Variants in ODR4 observed in about 807,000 individuals in gnomAD.
ODR4 encodes odr-4 GPCR localization factor homolog.
ODR4 carries 47 observed loss-of-function variants against 60.2 expected under a neutral mutation model. The observed-to-expected ratio is 0.78, with a 90% CI of 0.62 to 1.00. ODR4 has a LOEUF of 1.00. Among genes scored for constraint, ODR4 ranks in the 50% least tolerant of loss-of-function variants. The probability of loss-of-function intolerance (pLI) is 0.00; values close to 1 mark genes in which losing one functional copy is unlikely to be tolerated. For missense variants in ODR4, 488 were observed against 530.8 expected (o/e 0.92, Z 0.79); for synonymous variants, 178 against 175.5 (o/e 1.01, Z -0.11).
chr1:186,410,259 GGGT>G (rs1661324483), intron 12 of ODR4, among the ~76,000 whole-genome samples: 2 of 152,182 alleles, frequency 1.3e-5, no homozygotes, highest in East Asian at 3.9e-4. Context: ...AACATGTTGA[GGGT>G]TTAAAAAGTC....
rs1660430704 is a variant in ODR4, at chr1:186,390,632, A to G, written c.475-79A>G. 9 of 1,410,162 alleles carry G rather than the reference A, an allele frequency of 6.4e-6. No homozygotes were observed. The East Asian group carries it at 2.1e-4, about 32-fold the overall frequency. The allele number at this position is 1,410,162 out of a possible 1,614,324, so 87.4% of individuals were successfully genotyped here. A position where few individuals can be genotyped will look rare whatever the true frequency, so the allele number is the denominator to read the frequency against. Reference sequence around the variant, plus strand: ...AGTTTGTATGCGTTATTTAGGTTGTATATTTAATAATGTTTTGTTGATCCA... The same window carrying G: ...AGTTTGTATGCGTTATTTAGGTTGTGTATTTAATAATGTTTTGTTGATCCA... On this transcript the variant is annotated intron_variant, in intron 6 of 13. Transcript: ENST00000287859.
chr1:186,401,029 T>G (rs1351167899), intron 11 of ODR4: 1 of 1,585,772 alleles, frequency 6.3e-7, no homozygotes, highest in African/African-American at 1.3e-5. Flanking sequence ...CATTGCAGGT[T>G]TCAGGATTTG....
chr1:186,413,057 G>A (rs1268707918), intron 12 of ODR4, among the ~76,000 whole-genome samples: 3 of 151,982 alleles, frequency 2.0e-5, no homozygotes, highest in African/African-American at 7.2e-5. Flanking sequence ...ACGCATTTAG[G>A]AACATTAAAT....
downstream of ODR4, among the ~76,000 whole-genome samples, chr1:186,422,757 G>A (rs1661815521): frequency 6.6e-6 from 1 of 152,150 alleles, no homozygotes; most frequent in Non-Finnish European, 1.5e-5. Flanking sequence ...GGCTTTAAAT[G>A]CTTAAGGGAA....
At chr1:186,403,785 C>A (rs1327095762) in intron 11 of ODR4, among the ~76,000 whole-genome samples, 1 of 152,096 alleles carries the variant, frequency 6.6e-6, no homozygotes, top group Non-Finnish European at 1.5e-5. Context: ...TGATCCTGCT[C>A]AACTTATTCT....
intron 6 of ODR4, among the ~76,000 whole-genome samples, chr1:186,389,867 A>G (rs1374266799): frequency 6.6e-6 from 1 of 152,220 alleles, no homozygotes; most frequent in East Asian, 1.9e-4. Context: ...AGCTCACTGC[A>G]GCCTCCACCT....
At chr1:186,409,718 G>A (rs1022119704) in intron 12 of ODR4, among the ~76,000 whole-genome samples, 7 of 152,010 alleles carry the variant, frequency 4.6e-5, no homozygotes, top group Non-Finnish European at 1.0e-4. Flanking sequence ...GCTAATTTTT[G>A]TATTGTTAAT....
chr1:186,413,295 T>C (rs985549160), intron 12 of ODR4, among the ~76,000 whole-genome samples: 1 of 151,854 alleles, frequency 6.6e-6, no homozygotes, highest in African/African-American at 2.4e-5. Flanking sequence ...AAAAAAAAAA[T>C]CATTTCAGGT....
Position 186,419,992 on chromosome 1 carries a change from A to G in ODR4, c.*916A>G, listed in dbSNP as rs1661721379. 6.6e-6 allele frequency: 1 copy of G among 152,152 alleles called. No homozygotes were observed. Among genetic ancestry groups the G allele is most frequent in the African/African-American group, 2.4e-5 (1 of 41,454 alleles). 9.4% of individuals were successfully genotyped at this position (152,152 alleles called of 1,614,324 possible). A position where few individuals can be genotyped will look rare whatever the true frequency, so the allele number is the denominator to read the frequency against. On this transcript the variant is annotated 3_prime_UTR_variant, in exon 14 of 14. Coordinates refer to ENST00000287859, the MANE Select transcript of ODR4 (RefSeq NM_017847.6). Reference sequence around the variant, plus strand: ...GGTTACTGTATAACTGTTATAATATATTTAATATATAAAATTAAGACTTTT... The same window carrying G: ...GGTTACTGTATAACTGTTATAATATGTTTAATATATAAAATTAAGACTTTT...
intron 12 of ODR4, among the ~76,000 whole-genome samples, chr1:186,414,225 T>C (rs181624388): frequency 6.2e-4 from 94 of 152,276 alleles, no homozygotes; most frequent in African/African-American, 2.2e-3. Flanking sequence ...GTATCAAACC[T>C]CATGATTTTG....
intron 3 of ODR4, 107 bp downstream of exon 3, chr1:186,383,263 C>A: frequency 8.2e-7 from 1 of 1,214,176 alleles, no homozygotes; most frequent in Non-Finnish European, 1.1e-6. Context: ...GAGAAAGTAG[C>A]TAAAGATGAC....
intron 9 of ODR4, among the ~76,000 whole-genome samples, chr1:186,397,531 G>A (rs1660751281): frequency 6.6e-6 from 1 of 151,932 alleles, no homozygotes; most frequent in African/African-American, 2.4e-5. Context: ...TTTAGATTTT[G>A]TAATATTTGC....
chr1:186,384,213 T>G (rs769340766), intron 3 of ODR4, among the ~76,000 whole-genome samples: 1 of 152,180 alleles, frequency 6.6e-6, no homozygotes, highest in Non-Finnish European at 1.5e-5. Context: ...CTGCTTCTGT[T>G]CATGTCAGAA....
At position 186,398,413 on chromosome 1, in the gene ODR4, G is replaced by A; in HGVS notation, c.881G>A (p.Ser294Asn). Residue 294 changes from serine to asparagine, a missense_variant, in exon 10 of 14, where the codon AGT (serine) becomes AAT (asparagine). Transcript: ENST00000287859. ...AAATGCAGAGCTTATATCCACAGCAGTAAACCCAAAGTTAAAGATGCTGTG... is the reference window on the plus strand; with the variant it reads ...AAATGCAGAGCTTATATCCACAGCAATAAACCCAAAGTTAAAGATGCTGTG... Reference protein sequence around the residue: ...AVKCRAYIHSSKPKVKDAVQA... With the variant: ...AVKCRAYIHSNKPKVKDAVQA... 6.2e-7 allele frequency: 1 copy of A among 1,607,200 alleles called. No individual in the cohort carries two copies. Among genetic ancestry groups the A allele is most frequent in the Non-Finnish European group, 8.5e-7 (1 of 1,176,186 alleles).
rs796113394 is a variant in ODR4 at position 186,382,441 on chromosome 1, TACAC to T, written c.100-571_100-568del. 3.3e-4 allele frequency among the ~76,000 whole-genome samples: 50 copies of T among 151,054 alleles called. 1 individual carries two copies. The highest frequency in any genetic ancestry group is 1.1e-3 in the African/African-American group (46 of 41,148). On this transcript the variant is annotated intron_variant, in intron 2 of 13. Coordinates refer to ENST00000287859, the MANE Select transcript of ODR4 (RefSeq NM_017847.6). ...CCCTGTCTCTAAATAAATAAATAAA[TACAC>T]ACACACACAAAGAACAAAAAACAAA... is the stretch of plus-strand genomic sequence containing the variant.
the ODR4 span, among the ~76,000 whole-genome samples, chr1:186,432,447 AAAT>A: frequency 1.8e-4 from 28 of 152,252 alleles, no homozygotes; most frequent in East Asian, 5.4e-3. Flanking sequence ...AGCCTGTGTA[AAAT>A]AATGTTTCTT....
intron 12 of ODR4, among the ~76,000 whole-genome samples, chr1:186,415,306 C>T (rs1461605376): frequency 2.0e-5 from 3 of 151,888 alleles, no homozygotes; most frequent in African/African-American, 7.3e-5. Flanking sequence ...TCATATATAC[C>T]TATTTCAGTA....
rs1660333410 is a variant in ODR4 at position 186,388,435 on chromosome 1, C to CT, written c.331-4dup. 1.4e-6 allele frequency: 2 copies of CT among 1,478,924 alleles called. No individual in the cohort carries two copies. Among genetic ancestry groups the CT allele is most frequent in the African/African-American group, 2.9e-5 (2 of 69,684 alleles). The allele number at this position is 1,478,924 out of a possible 1,614,324, so 91.6% of individuals were successfully genotyped here. On this transcript the variant is annotated splice_region_variant and splice_polypyrimidine_tract_variant and intron_variant, in intron 4 of 13. Transcript: ENST00000287859. ...ATTCAATTAGTGTGTATTTTTCTCT[C>CT]TTTCAGCTAATGTTTGCTGTGGAAA...
intron 1 of ODR4, among the ~76,000 whole-genome samples, chr1:186,378,484 A>C (rs957197057): frequency 6.6e-6 from 1 of 152,190 alleles, no homozygotes; most frequent in African/African-American, 2.4e-5. Flanking sequence ...TTTGGTTTTA[A>C]GCTATAGAAA....
Sources: allele counts gnomAD v4.1 joint callset (sites outside exome capture counted in the v4.1 genomes callset), GRCh38; gene constraint gnomAD v4.1.1; transcripts MANE v1.5; gene names NCBI Gene and HGNC (gene_info 2026-07-23, HGNC 2026-07-21).